OLA1: variants seen among roughly 807,000 people sequenced by gnomAD.
OLA1 encodes the protein obg-like ATPase 1.
OLA1 carries 14 observed loss-of-function variants against 48.4 expected under a neutral mutation model. The ratio of observed to expected loss-of-function variants is 0.29; its 90% CI spans 0.19 to 0.45. The LOEUF (loss-of-function observed/expected upper bound fraction) is 0.45, where lower values mean the gene tolerates loss of function less well. Ranked by LOEUF, OLA1 falls within the 20% of genes least tolerant of loss-of-function variation. The pLI, the probability that OLA1 is intolerant of heterozygous loss-of-function variation, is 1.00. For synonymous variants in OLA1, 127 were observed against 150.4 expected, an observed-to-expected ratio of 0.84 and a Z score of 1.14; for missense variants, 325 against 467.1, an observed-to-expected ratio of 0.70 and a Z score of 2.80.
chr2:174,119,609 C>G (rs1553480961), intron 7 of OLA1, among the ~76,000 whole-genome samples: 2 of 151,978 alleles, frequency 1.3e-5, no homozygotes, highest in Non-Finnish European at 2.9e-5. Context: ...TGATTCCCCC[C>G]AAACCAAGCA....
chr2:174,110,091 ATTTTTTTT>A lies in OLA1; in HGVS notation c.728+13081_728+13088del, dbSNP rs199583094. Among the ~76,000 whole-genome samples, 145 of 110,994 alleles carry A rather than the reference ATTTTTTTT, an allele frequency of 1.3e-3. 1 individual carries two copies. In the East Asian group the frequency reaches 0.038, roughly 29 times the overall value. 72.8% of individuals were successfully genotyped at this position (110,994 alleles called of 152,430 possible). On this transcript the variant is annotated intron_variant, in intron 7 of 10. Coordinates refer to ENST00000284719, the MANE Select transcript of OLA1 (RefSeq NM_013341.5). ...CTATCCCTGTGTTAGTTTGCTAAGG[ATTTTTTTT>A]TTTTTTTTTTTTTTGAGACAAAGTC...
intron 4 of OLA1, among the ~76,000 whole-genome samples, chr2:174,152,047 A>T (rs1009176279): frequency 6.6e-6 from 1 of 152,218 alleles, no homozygotes; most frequent in Non-Finnish European, 1.5e-5. Context: ...AATCTAATTT[A>T]ACCTAAAGCT....
chr2:174,235,894 C>T (rs949299363), intron 2 of OLA1, among the ~76,000 whole-genome samples: 10 of 152,180 alleles, frequency 6.6e-5, no homozygotes, highest in African/African-American at 2.2e-4. Context: ...GAACAGTTCA[C>T]ATTCCTATGA....
chr2:174,097,361 G>T (rs2105350198), intron 7 of OLA1, among the ~76,000 whole-genome samples: 1 of 152,168 alleles, frequency 6.6e-6, no homozygotes, highest in East Asian at 1.9e-4. Context: ...GAGTGTAGGG[G>T]ATGGGAAAGG....
chr2:174,179,481 T>TA, intron 4 of OLA1, among the ~76,000 whole-genome samples: 1 of 152,134 alleles, frequency 6.6e-6, no homozygotes, highest in South Asian at 2.1e-4. Context: ...AATACTTCTT[T>TA]AAAAAACTCT....
intron 4 of OLA1, among the ~76,000 whole-genome samples, chr2:174,202,142 T>A (rs34465977): frequency 0.13 from 19,605 of 152,186 alleles, 1,461 homozygotes; most frequent in East Asian, 0.21. Context: ...AACACTAGTC[T>A]ATCATCTACT....
chr2:174,082,972 G>A (rs1684890851), intron 7 of OLA1, among the ~76,000 whole-genome samples: 1 of 151,994 alleles, frequency 6.6e-6, no homozygotes. Flanking sequence ...TAAAAATAGA[G>A]ATAATAATAG....
At chr2:174,243,290 G>A (rs150389300) in intron 2 of OLA1, among the ~76,000 whole-genome samples, 7 of 152,270 alleles carry the variant, frequency 4.6e-5, no homozygotes, top group South Asian at 4.1e-4. Flanking sequence ...AACCAGGCAC[G>A]GTGTTTTGTG....
chr2:174,193,236 T>C (rs1282537391), intron 4 of OLA1, among the ~76,000 whole-genome samples: 3 of 151,974 alleles, frequency 2.0e-5, no homozygotes, highest in African/African-American at 7.2e-5. Flanking sequence ...ATTATAGGCA[T>C]GCACCACCAT....
Position 174,104,930 on chromosome 2 carries a change from C to T in OLA1, c.728+18250G>A, listed in dbSNP as rs116797395. ...ATAGAAAGATTCAGCAGTTCTCAAT[C>T]GAGACCTTTATTCCTTCTCTGAATA... is the stretch of plus-strand genomic sequence containing the variant. On this transcript the variant is annotated intron_variant, in intron 7 of 10. Coordinates refer to ENST00000284719, the MANE Select transcript of OLA1 (RefSeq NM_013341.5). Among the ~76,000 whole-genome samples the T allele has an allele frequency of 4.4e-3, 669 of 151,956 alleles. 1 individual carries two copies. The highest frequency in any genetic ancestry group is 0.01 in the Admixed American group (156 of 15,254).
At chr2:174,159,983 T>G (rs929479063) in intron 4 of OLA1, among the ~76,000 whole-genome samples, 6 of 152,118 alleles carry the variant, frequency 3.9e-5, no homozygotes, top group African/African-American at 1.4e-4. Flanking sequence ...CAGCGATATA[T>G]TAACCAAACT....
chr2:174,173,178 C>T (rs1687346140), intron 4 of OLA1, among the ~76,000 whole-genome samples: 1 of 152,106 alleles, frequency 6.6e-6, no homozygotes, highest in Non-Finnish European at 1.5e-5. Context: ...CACAAGACAG[C>T]AAAGTGGCGA....
chr2:174,229,499 G>A (rs1188346901), intron 2 of OLA1, 48 bp from the exon 3 acceptor site: 1 of 1,420,810 alleles, frequency 7.0e-7, no homozygotes, highest in Non-Finnish European at 9.7e-7. Flanking sequence ...TTAACACCAA[G>A]AAAAATTTAT....
chr2:174,092,688 T>G (rs1685156343), intron 7 of OLA1, among the ~76,000 whole-genome samples: 1 of 152,078 alleles, frequency 6.6e-6, no homozygotes, highest in Admixed American at 6.6e-5. Flanking sequence ...GAAGCATGTA[T>G]TATTCTTACA....
chr2:174,109,086 G>A (rs1465177324), intron 7 of OLA1, among the ~76,000 whole-genome samples: 2 of 152,036 alleles, frequency 1.3e-5, no homozygotes, highest in African/African-American at 2.4e-5. Flanking sequence ...AACAGGGCAG[G>A]GAAATAACTA....
chr2:174,089,871 T>C (rs887265687), intron 7 of OLA1, among the ~76,000 whole-genome samples: 16 of 139,738 alleles, frequency 1.1e-4, no homozygotes, highest in Non-Finnish European at 2.0e-4. Context: ...TACCGCACTC[T>C]AGCCTTTGCG....
chr2:174,089,598 T>C (rs558769865), intron 7 of OLA1, among the ~76,000 whole-genome samples: 17 of 152,284 alleles, frequency 1.1e-4, no homozygotes, highest in Admixed American at 3.3e-4. Context: ...AACAGTGTCT[T>C]ACTTTATAAG....
chr2:174,148,459 T>C (rs1421588231), intron 4 of OLA1, among the ~76,000 whole-genome samples: 3 of 152,160 alleles, frequency 2.0e-5, no homozygotes, highest in African/African-American at 7.2e-5. Flanking sequence ...ACTCACATAA[T>C]GCGTAACTAA....
At chr2:174,151,765 T>C (rs912092459) in intron 4 of OLA1, among the ~76,000 whole-genome samples, 1 of 152,202 alleles carries the variant, frequency 6.6e-6, no homozygotes, top group Non-Finnish European at 1.5e-5. Flanking sequence ...TATCTATAGT[T>C]TTATTAATAA....
Sources: gnomAD v4.1 joint callset for allele counts (sites outside exome capture counted in the v4.1 genomes callset) on GRCh38, gnomAD v4.1.1 for gene constraint, MANE v1.5 for transcripts, NCBI Gene and HGNC (gene_info 2026-07-23, HGNC 2026-07-21) for gene names.